Variants in ATP6V0A1 observed in about 807,000 individuals in gnomAD.
The protein encoded by ATP6V0A1 is ATPase H+ transporting V0 subunit a1, also known as V-type proton ATPase 116 kDa subunit a 1.
A neutral mutation model predicts 105.4 loss-of-function variants in ATP6V0A1; 43 were observed. The observed-to-expected ratio is 0.41, with a 90% CI of 0.32 to 0.53. ATP6V0A1 has a LOEUF of 0.53. ATP6V0A1 is among the 20% of genes least tolerant of loss of function. The pLI is 0.30. For missense variants in ATP6V0A1, 676 were observed against 1,051.1 expected (o/e 0.64, Z 4.93); for synonymous variants, 362 against 372.8 (o/e 0.97, Z 0.33).
Position 42,466,516 on chromosome 17 carries a change from A to G in ATP6V0A1, c.196+9A>G, listed in dbSNP as rs1489671934. 1 of 1,609,818 alleles carries G rather than the reference A, an allele frequency of 6.2e-7. No homozygotes were observed. The highest frequency in any genetic ancestry group is 8.5e-7 in the Non-Finnish European group (1 of 1,176,478). On this transcript the variant is annotated intron_variant, in intron 3 of 21. Coordinates refer to ENST00000343619, the MANE Select transcript of ATP6V0A1 (RefSeq NM_001130021.3). ...AATGGATCGAAAGCTTCGTATGTGC[A>G]CTTTGGTCTTGTGTAATGTTCCTTT...
At chr17:42,511,967 A>C (rs762628651) in intron 19 of ATP6V0A1, among the ~76,000 whole-genome samples, 2 of 152,178 alleles carry the variant, frequency 1.3e-5, no homozygotes, top group Non-Finnish European at 2.9e-5. Context: ...GTCTCAAAAA[A>C]AAAAGTAACA....
At chr17:42,494,715 A>G in intron 12 of ATP6V0A1, 5 of 522,672 alleles carry the variant, frequency 9.6e-6, no homozygotes, top group Non-Finnish European at 1.7e-5. Flanking sequence ...CGAGACCAGC[A>G]TAGGCAACAT....
chr17:42,481,945 G>A (rs1479338395), intron 8 of ATP6V0A1, among the ~76,000 whole-genome samples: 1 of 152,068 alleles, frequency 6.6e-6, no homozygotes, highest in African/African-American at 2.4e-5. Flanking sequence ...GGGTTCCAGC[G>A]ATTCTCCTGC....
chr17:42,497,808 C>T (rs1029366328), intron 14 of ATP6V0A1, among the ~76,000 whole-genome samples: 2 of 151,788 alleles, frequency 1.3e-5, no homozygotes, highest in Non-Finnish European at 2.9e-5. Context: ...GAGGCCAAGG[C>T]GGGCGGATCA....
rs777985254 is a variant in ATP6V0A1 at position 42,478,566 on chromosome 17, A to T, written c.610A>T (p.Asn204Tyr). The change falls in exon 7 of 22, where the codon AAC becomes TAC. Residue 204 changes from asparagine (N) to tyrosine (Y), a missense_variant. Transcript: ENST00000343619. ...NVFLRQAEIE[N>Y]PLEDPVTGDY... ...GTTCCTGCGACAGGCTGAAATCGAG[A>T]ACCCCCTGGAGGATCCTGTGACTGT... 1 of 1,599,146 alleles carries T rather than the reference A, an allele frequency of 6.3e-7. No individual in the cohort carries two copies. The highest frequency in any genetic ancestry group is 8.5e-7 in the Non-Finnish European group (1 of 1,170,894).
chr17:42,481,820 A>C (rs1345307462), intron 8 of ATP6V0A1, among the ~76,000 whole-genome samples: 1 of 152,136 alleles, frequency 6.6e-6, no homozygotes, highest in Non-Finnish European at 1.5e-5. Flanking sequence ...TATGTCCTTA[A>C]ATTTTCTGAA....
intron 14 of ATP6V0A1, chr17:42,496,464 G>A (rs1259293927): frequency 1.3e-5 from 2 of 151,794 alleles, no homozygotes; most frequent in Non-Finnish European, 2.9e-5. Flanking sequence ...AATTAAGTAT[G>A]ATCAAGTCTT....
intron 1 of ATP6V0A1, 77 bp from the exon 2 acceptor site, chr17:42,460,771 A>C (rs1228087788): frequency 2.8e-6 from 2 of 726,736 alleles, no homozygotes; most frequent in East Asian, 5.0e-5. Context: ...TGTAAATGCA[A>C]GAGCCGTAGT....
chr17:42,500,560 G>A (rs1444047079), intron 15 of ATP6V0A1, 147 bp from the exon 16 acceptor site: 1 of 653,678 alleles, frequency 1.5e-6, no homozygotes, highest in Non-Finnish European at 2.6e-6. Flanking sequence ...TGTCTCTGTT[G>A]TCTCCAGCTT....
At chr17:42,498,677 A>G (rs1259876685) in intron 14 of ATP6V0A1, among the ~76,000 whole-genome samples, 1 of 151,962 alleles carries the variant, frequency 6.6e-6, no homozygotes, top group African/African-American at 2.4e-5. Context: ...ATACAAAAAA[A>G]TAGCTGGGCG....
chr17:42,516,495 G>A (rs2092632847), intron 21 of ATP6V0A1, among the ~76,000 whole-genome samples: 1 of 152,148 alleles, frequency 6.6e-6, no homozygotes, highest in Non-Finnish European at 1.5e-5. Context: ...CACTTCCTCA[G>A]CCCTCCTCAG....
intron 4 of ATP6V0A1, among the ~76,000 whole-genome samples, chr17:42,469,638 G>A (rs1264842557): frequency 2.7e-5 from 4 of 150,798 alleles, no homozygotes; most frequent in African/African-American, 4.9e-5. Flanking sequence ...GCCCGGCCAG[G>A]AAAGACTATT....
rs77268875 is a variant in ATP6V0A1 at position 42,500,907 on chromosome 17, T to C, written c.1880T>C (p.Met627Thr). The C allele has an allele frequency of 7.9e-5, 127 of 1,613,030 alleles. No homozygotes were observed. The East Asian group carries it at 2.8e-3, about 35-fold the overall frequency. Residue 627 changes from methionine to threonine, a missense_variant, in exon 16 of 22, where the codon ATG (methionine) becomes ACG (threonine). Around this residue, in one of 3 missense-constraint regions of ATP6V0A1, gnomAD observed 435 missense variants for 642.2 expected, o/e 0.68. Coordinates refer to ENST00000343619, the MANE Select transcript of ATP6V0A1 (RefSeq NM_001130021.3). ...LFSYPESGYS[M>T]LYSGQKGIQC... ...TCCTACCCAGAGTCTGGTTATTCAATGTTGTATTCTGGACAGGTACGTCAG... is the reference window on the plus strand; with the variant it reads ...TCCTACCCAGAGTCTGGTTATTCAACGTTGTATTCTGGACAGGTACGTCAG...
At chr17:42,491,481 T>A (rs188840698) in intron 11 of ATP6V0A1, among the ~76,000 whole-genome samples, 33 of 151,874 alleles carry the variant, frequency 2.2e-4, no homozygotes, top group African/African-American at 6.3e-4. Context: ...CGGCTAATTT[T>A]TTTTTTATTT....
In ATP6V0A1 at chr17:42,495,039, T is replaced by C; in HGVS notation, c.1320T>C (p.Phe440=). 2 of 1,613,646 alleles carry C rather than the reference T, an allele frequency of 1.2e-6. No homozygotes were observed. The highest frequency in any genetic ancestry group is 1.7e-6 in the Non-Finnish European group (2 of 1,179,576). ...TTCTTTCTTCTGGTTCCCAGATGTT[T>C]AGCACTGTGTTCAGTGGTCGATACA... ...ILSQKNENEM[F]STVFSGRYII... Residue 440 remains phenylalanine (F), a synonymous_variant, in exon 13 of 22, where the codon TTT becomes TTC. Coordinates refer to ENST00000343619, the MANE Select transcript of ATP6V0A1 (RefSeq NM_001130021.3).
intron 19 of ATP6V0A1, among the ~76,000 whole-genome samples, chr17:42,512,300 C>G (rs1457496236): frequency 6.6e-6 from 1 of 152,126 alleles, no homozygotes; most frequent in East Asian, 1.9e-4. Flanking sequence ...GCAGTTTATT[C>G]GGTGGGAGAA....
chr17:42,496,061 C>CAA lies in ATP6V0A1; in HGVS notation c.1560+364_1560+365dup, dbSNP rs11352520. ...TGTGTGACAGAGCAAGACTCCGTCT[C>CAA]AAAAAAAAAAAAAAAAAAAAGAAAG... On this transcript the variant is annotated intron_variant, in intron 14 of 21. Transcript: ENST00000343619. The CAA allele has an allele frequency of 3.1e-4, 30 of 97,206 alleles. 1 individual carries two copies. The highest frequency in any genetic ancestry group is 5.4e-3 in the Middle Eastern group (1 of 184). 6.0% of individuals were successfully genotyped at this position (97,206 alleles called of 1,614,324 possible). A position where few individuals can be genotyped will look rare whatever the true frequency, so the allele number is the denominator to read the frequency against.
intron 17 of ATP6V0A1, among the ~76,000 whole-genome samples, chr17:42,501,948 C>T (rs897960561): frequency 2.0e-5 from 3 of 152,006 alleles, no homozygotes; most frequent in African/African-American, 7.2e-5. Context: ...GTGGAAGGAT[C>T]GCTTGAATCT....
chr17:42,459,588 G>A (rs561946406), intron 1 of ATP6V0A1, among the ~76,000 whole-genome samples: 1 of 152,272 alleles, frequency 6.6e-6, no homozygotes, highest in South Asian at 2.1e-4. Flanking sequence ...CTCGTTGGAG[G>A]CTTATCATTA....
Sources: allele counts gnomAD v4.1 joint callset (sites outside exome capture counted in the v4.1 genomes callset), GRCh38; gene constraint gnomAD v4.1.1; regional missense constraint gnomAD v4.1.1; transcripts MANE v1.5; gene names NCBI Gene and HGNC (gene_info 2026-07-23, HGNC 2026-07-21).